Variants in SNTG1 observed in about 807,000 individuals in gnomAD.
SNTG1 encodes the protein gamma-1-syntrophin.
SNTG1 carries 39 observed loss-of-function variants against 74.7 expected under a neutral mutation model. The ratio of observed to expected loss-of-function variants is 0.52; its 90% CI spans 0.40 to 0.68. SNTG1 has a LOEUF of 0.68. Ranked by LOEUF, SNTG1 falls within the 30% of genes least tolerant of loss-of-function variation. The pLI, the probability that SNTG1 is intolerant of heterozygous loss-of-function variation, is 0.00. For missense variants in SNTG1, 685 were observed against 609.5 expected (o/e 1.12, Z -1.30); for synonymous variants, 254 against 217.1 (o/e 1.17, Z -1.49).
At chr8:50,179,491 A>G (rs1483574959) in intron 2 of SNTG1, among the ~76,000 whole-genome samples, 2 of 152,200 alleles carry the variant, frequency 1.3e-5, no homozygotes, top group Non-Finnish European at 2.9e-5. Context: ...TCAACACAAT[A>G]AAAAGGTAAT....
intron 1 of SNTG1, among the ~76,000 whole-genome samples, chr8:50,165,004 G>A (rs533369671): frequency 2.6e-5 from 4 of 152,136 alleles, no homozygotes; most frequent in South Asian, 2.1e-4. Flanking sequence ...CTAACTCATA[G>A]AAACTATGCT....
intron 13 of SNTG1, among the ~76,000 whole-genome samples, chr8:50,652,733 G>A (rs1027402426): frequency 2.0e-5 from 3 of 152,062 alleles, no homozygotes; most frequent in Non-Finnish European, 4.4e-5. Context: ...GGAGGTGGAG[G>A]TTGCAGTGAG....
intron 8 of SNTG1, among the ~76,000 whole-genome samples, chr8:50,494,659 A>C: frequency 6.6e-6 from 1 of 152,080 alleles, no homozygotes; most frequent in East Asian, 1.9e-4. Flanking sequence ...TTGGAATTAC[A>C]ACAAATGCTG....
Position 50,179,081 on chromosome 8 carries a change from G to C in SNTG1, c.-28+6446G>C, listed in dbSNP as rs141062380. ...TTCCCAGTTATCCTAATGTCATTGT[G>C]TCTTCTTTGTGGCCTTCCCAAAATT... is the stretch of plus-strand genomic sequence containing the variant. On this transcript the variant is annotated intron_variant, in intron 2 of 18. Transcript: ENST00000642720. Among the ~76,000 whole-genome samples the C allele has an allele frequency of 1.1e-3, 172 of 152,198 alleles. 3 individuals carry two copies. The East Asian group carries it at 0.032, about 28-fold the overall frequency.
chr8:50,794,340 T>C lies in SNTG1; in HGVS notation c.*1511T>C, dbSNP rs1196280415. The stretch of plus-strand genomic sequence containing the variant: ...AAGTTGTTTTTATACTCATGATTCA[T>C]TAATTTATTTTGCATCAGATTAATT... On this transcript the variant is annotated 3_prime_UTR_variant, in exon 19 of 19. Transcript: ENST00000642720. 10 of 151,926 alleles carry C rather than the reference T, an allele frequency of 6.6e-5. No homozygotes were observed. Among genetic ancestry groups the C allele is most frequent in the Non-Finnish European group, 1.5e-5 (1 of 67,924 alleles). The allele number at this position is 151,926 out of a possible 1,614,324, so 9.4% of individuals were successfully genotyped here. A position where few individuals can be genotyped will look rare whatever the true frequency, so the allele number is the denominator to read the frequency against.
At chr8:50,208,135 C>T (rs1466536535) in intron 2 of SNTG1, among the ~76,000 whole-genome samples, 1 of 152,134 alleles carries the variant, frequency 6.6e-6, no homozygotes, top group Non-Finnish European at 1.5e-5. Context: ...AACTTTCTGT[C>T]TCGTCGATCT....
At chr8:50,114,657 G>C (rs966112000) in intron 1 of SNTG1, among the ~76,000 whole-genome samples, 19 of 152,080 alleles carry the variant, frequency 1.2e-4, no homozygotes, top group African/African-American at 4.6e-4. Context: ...ACGAGGTCAA[G>C]AGACTGAGAC....
chr8:50,366,041 A>G (rs761516456), intron 2 of SNTG1, among the ~76,000 whole-genome samples: 3 of 152,156 alleles, frequency 2.0e-5, no homozygotes, highest in Non-Finnish European at 4.4e-5. Flanking sequence ...CTAACAAACA[A>G]TTTATCACCT....
At chr8:49,983,895 T>C (rs940863048) in intron 1 of SNTG1, among the ~76,000 whole-genome samples, 1 of 152,214 alleles carries the variant, frequency 6.6e-6, no homozygotes, top group Non-Finnish European at 1.5e-5. Flanking sequence ...GTGAGATGAA[T>C]GGGGGGTACT....
chr8:50,294,960 A>C (rs991338229), intron 2 of SNTG1, among the ~76,000 whole-genome samples: 1 of 152,146 alleles, frequency 6.6e-6, no homozygotes, highest in African/African-American at 2.4e-5. Flanking sequence ...CCAACACCAC[A>C]TCACATCTCT....
chr8:50,602,021 G>A (rs2094778640), intron 13 of SNTG1, among the ~76,000 whole-genome samples: 1 of 152,018 alleles, frequency 6.6e-6, no homozygotes, highest in Admixed American at 6.6e-5. Flanking sequence ...GAGGTGAAGT[G>A]TGTTTACATT....
chr8:50,258,970 A>G (rs1011570678), intron 2 of SNTG1, among the ~76,000 whole-genome samples: 4 of 152,162 alleles, frequency 2.6e-5, no homozygotes, highest in African/African-American at 9.7e-5. Flanking sequence ...CTAAACAGGA[A>G]AAATGAAAAG....
At chr8:50,413,261 G>C (rs1432944066) in intron 4 of SNTG1, among the ~76,000 whole-genome samples, 1 of 152,180 alleles carries the variant, frequency 6.6e-6, no homozygotes, top group Non-Finnish European at 1.5e-5. Flanking sequence ...TAGATGCATA[G>C]AGGCATAGAT....
intron 17 of SNTG1, among the ~76,000 whole-genome samples, chr8:50,740,486 A>G (rs574328857): frequency 2.0e-5 from 3 of 152,156 alleles, no homozygotes; most frequent in Non-Finnish European, 4.4e-5. Context: ...AAAACAAAAC[A>G]AAAACAATGC....
chr8:50,332,867 G>A (rs1025767915), intron 2 of SNTG1, among the ~76,000 whole-genome samples: 5 of 152,112 alleles, frequency 3.3e-5, no homozygotes, highest in African/African-American at 4.8e-5. Flanking sequence ...TAGTACAGTT[G>A]GAGCAGCTTA....
intron 1 of SNTG1, chr8:50,163,411 C>G (rs2131605215): frequency 6.6e-6 from 1 of 150,976 alleles, no homozygotes; most frequent in East Asian, 1.9e-4. Context: ...AGTTATAATT[C>G]CAAGTTTTTT....
chr8:50,658,873 A>C (rs939988313), intron 15 of SNTG1, among the ~76,000 whole-genome samples: 1 of 152,228 alleles, frequency 6.6e-6, no homozygotes, highest in Non-Finnish European at 1.5e-5. Context: ...CTGCTTAAAT[A>C]ACTTGCAAGC....
At chr8:50,553,938 C>T (rs980326851) in intron 12 of SNTG1, among the ~76,000 whole-genome samples, 16 of 152,016 alleles carry the variant, frequency 1.1e-4, no homozygotes, top group African/African-American at 3.9e-4. Context: ...CTCCTCAGTC[C>T]GCAATTGTTC....
At chr8:50,189,801 A>G (rs576287014) in intron 2 of SNTG1, among the ~76,000 whole-genome samples, 67 of 152,300 alleles carry the variant, frequency 4.4e-4, no homozygotes, top group African/African-American at 1.5e-3. Context: ...CATAAAATAT[A>G]GTGTTTTTCA....
Sources: gnomAD v4.1 joint callset for allele counts (sites outside exome capture counted in the v4.1 genomes callset) on GRCh38, gnomAD v4.1.1 for gene constraint, MANE v1.5 for transcripts, NCBI Gene and HGNC (gene_info 2026-07-23, HGNC 2026-07-21) for gene names.